GPANK1: variants seen among roughly 807,000 people sequenced by gnomAD.
GPANK1 encodes G-patch domain and ankyrin repeats 1.
GPANK1 carries 22 observed loss-of-function variants against 24.0 expected under a neutral mutation model. The ratio of observed to expected loss-of-function variants is 0.92; its 90% CI spans 0.66 to 1.31. The LOEUF is 1.31. GPANK1 is among the 50% of genes most tolerant of loss of function. The pLI, the probability that GPANK1 is intolerant of heterozygous loss-of-function variation, is 0.00. For synonymous variants in GPANK1, 174 were observed against 177.4 expected (o/e 0.98, Z 0.15); for missense variants, 469 against 453.5 (o/e 1.03, Z -0.31).
Position 31,662,502 on chromosome 6 carries a change from C to T in GPANK1, c.835G>A (p.Glu279Lys), listed in dbSNP as rs754952446. The change falls in exon 3 of 3, where the codon GAG becomes AAG. Residue 279 changes from glutamate to lysine, a missense_variant. Glu to Lys is a moderately conservative substitution (Grantham distance 56). Transcript: ENST00000375896. This position sits in a 1 kb window ranked among gnomAD's most constrained non-coding sequence, Gnocchi z 5.5. ...EPGMGLGPRG[E>K]GRANPIPTVL... ...GTGGGGATGGGATTGGCACGGCCCT[C>T]ACCCCGGGGTCCCAGCCCCATTCCT... 1.2e-6 allele frequency: 2 copies of T among 1,612,352 alleles called. No individual in the cohort carries two copies. The highest frequency in any genetic ancestry group is 4.5e-5 in the East Asian group (2 of 44,878).
Position 31,663,798 on chromosome 6 carries a change from G to C in GPANK1, c.626+55C>G, listed in dbSNP as rs1583577619. 3 of 1,521,436 alleles carry C rather than the reference G, an allele frequency of 2.0e-6. No homozygotes were observed. In the East Asian group the frequency reaches 6.8e-5, roughly 35 times the overall value. 94.2% of individuals were successfully genotyped at this position (1,521,436 alleles called of 1,614,324 possible). A position where few individuals can be genotyped will look rare whatever the true frequency, so the allele number is the denominator to read the frequency against. On this transcript the variant is annotated intron_variant, in intron 2 of 2. Coordinates refer to ENST00000375896, the MANE Select transcript of GPANK1 (RefSeq NM_033177.4). ...GTGCTGGGGCGTCTGGTGTGGTGTG[G>C]CTGGGAGAGGCAGAACACAATGAGA...
rs1236029190 is a variant in GPANK1, at chr6:31,661,828, G to C, written c.*438C>G. On this transcript the variant is annotated 3_prime_UTR_variant, in exon 3 of 3. Transcript: ENST00000375896. ...ATGGACTTATGTTTGTGAAATCAGTGAATTGGCTGTAGTCAGGGAACTCCT... is the reference window on the plus strand; with the variant it reads ...ATGGACTTATGTTTGTGAAATCAGTCAATTGGCTGTAGTCAGGGAACTCCT... The C allele has an allele frequency of 5.6e-6, 1 of 179,468 alleles. No individual in the cohort carries two copies. The highest frequency in any genetic ancestry group is 1.2e-5 in the Non-Finnish European group (1 of 86,826). The allele number at this position is 179,468 out of a possible 1,614,324, so 11.1% of individuals were successfully genotyped here.
chr6:31,664,544 G>T lies in GPANK1; in HGVS notation c.-66C>A. ...AGGATGAGACAAGTAAGCCAAGCTC[G>T]TGGTGACCCTGTAGCAACCACAGCC... On this transcript the variant is annotated 5_prime_UTR_variant, in exon 2 of 3. Transcript: ENST00000375896. 1 of 1,327,456 alleles carries T rather than the reference G, an allele frequency of 7.5e-7. No individual in the cohort carries two copies. The highest frequency in any genetic ancestry group is 1.1e-6 in the Non-Finnish European group (1 of 948,100). The allele number at this position is 1,327,456 out of a possible 1,614,324, so 82.2% of individuals were successfully genotyped here. A position where few individuals can be genotyped will look rare whatever the true frequency, so the allele number is the denominator to read the frequency against.
chr6:31,664,605 A>G, intron 1 of GPANK1, 28 bp from the exon 2 acceptor site: 1 of 687,164 alleles, frequency 1.5e-6, no homozygotes, highest in Non-Finnish European at 2.4e-6. Flanking sequence ...AGTAGTCAAA[A>G]ACACTTTCCT....
At position 31,661,848 on chromosome 6, in the gene GPANK1, ACTC is replaced by A. The variant is rs1800895739; in HGVS notation, c.*415_*417del. 1 of 188,928 alleles carries A rather than the reference ACTC, an allele frequency of 5.3e-6. No homozygotes were observed. The highest frequency in any genetic ancestry group is 2.4e-5 in the African/African-American group (1 of 42,536). 11.7% of individuals were successfully genotyped at this position (188,928 alleles called of 1,614,324 possible). A position where few individuals can be genotyped will look rare whatever the true frequency, so the allele number is the denominator to read the frequency against. On this transcript the variant is annotated 3_prime_UTR_variant, in exon 3 of 3. Coordinates refer to ENST00000375896, the MANE Select transcript of GPANK1 (RefSeq NM_033177.4). ...TCAGTGAATTGGCTGTAGTCAGGGAACTCCTCCTGGGGGAAGTGAGACTTGCAC... is the reference window on the plus strand; with the variant it reads ...TCAGTGAATTGGCTGTAGTCAGGGAACTCCTGGGGGAAGTGAGACTTGCAC...
At chr6:31,666,134 G>A, upstream of GPANK1, 3 of 993,288 alleles carry the variant, frequency 3.0e-6, no homozygotes, top group Non-Finnish European at 3.6e-6. Flanking sequence ...CGCGGCCTGC[G>A]CTGTAGCGGT....
Position 31,662,329 on chromosome 6 carries a change from CCTT to C in GPANK1, c.1005_1007del (p.Arg337del). 2 of 1,601,556 alleles carry C rather than the reference CCTT, an allele frequency of 1.2e-6. No homozygotes were observed. Among genetic ancestry groups the C allele is most frequent in the Non-Finnish European group, 1.7e-6 (2 of 1,172,910 alleles). Reference sequence around the variant, plus strand: ...CCCAAGCCCTGTCTTTCTCCTCCCTCCTTCTCTCCTCCCTCCAGCTCAGTGTGG... The same window carrying C: ...CCCAAGCCCTGTCTTTCTCCTCCCTCCTCTCCTCCCTCCAGCTCAGTGTGG... On this transcript the variant is annotated inframe_deletion, in exon 3 of 3. Transcript: ENST00000375896. The surrounding 1 kb of genome is among the most constrained non-coding windows in gnomAD (Gnocchi z 5.5).
At position 31,664,224 on chromosome 6, in the gene GPANK1, T is replaced by C. The variant is rs150674813; in HGVS notation, c.255A>G (p.Ala85=). ...GTCCATGTCTTCCTGATGCTCCTTCTGCCACTGCTTCTGCTGCTGGTGCCT... is the reference window on the plus strand; with the variant it reads ...GTCCATGTCTTCCTGATGCTCCTTCCGCCACTGCTTCTGCTGCTGGTGCCT... ...IMKAPAAEAV[A]EGASGRHGQG... is the part of the protein sequence containing the mutation. The change falls in exon 2 of 3, where the codon GCA becomes GCG. Residue 85 remains alanine (A), a synonymous_variant. Transcript: ENST00000375896. 50 of 1,613,968 alleles carry C rather than the reference T, an allele frequency of 3.1e-5. No individual in the cohort carries two copies. In the African/African-American group the frequency reaches 5.2e-4, roughly 17 times the overall value.
rs1801231204 is a variant in GPANK1, at chr6:31,663,834, A to G, written c.626+19T>C. 6.5e-7 allele frequency: 1 copy of G among 1,539,634 alleles called. No homozygotes were observed. The highest frequency in any genetic ancestry group is 2.0e-5 in the Admixed American group (1 of 48,900). On this transcript the variant is annotated intron_variant, in intron 2 of 2. Coordinates refer to ENST00000375896, the MANE Select transcript of GPANK1 (RefSeq NM_033177.4). ...CAGAACACAATGAGACATGGGTCTG[A>G]GCTAAAGTTTCCCCTTACCGGTTTT...
In GPANK1 at chr6:31,662,398, A is replaced by G; in HGVS notation, c.939T>C (p.Asp313=). ...TCTCCCTCCCAGCCACAGCTCGGGT[A>G]TCCCAAGCTGGGAAATGTGTCACTC... ...QPRVTHFPAW[D]TRAVAGRERP... The change falls in exon 3 of 3, where the codon GAT becomes GAC. Residue 313 remains aspartate (D), a synonymous_variant. Coordinates refer to ENST00000375896, the MANE Select transcript of GPANK1 (RefSeq NM_033177.4). The surrounding 1 kb of genome is among the most constrained non-coding windows in gnomAD (Gnocchi z 5.5). The G allele has an allele frequency of 6.2e-7, 1 of 1,612,480 alleles. No individual in the cohort carries two copies. Among genetic ancestry groups the G allele is most frequent in the Non-Finnish European group, 8.5e-7 (1 of 1,179,740 alleles).
intron 2 of GPANK1, 48 bp downstream of exon 2, chr6:31,663,805 G>A (rs1301733215): frequency 2.6e-6 from 4 of 1,521,750 alleles, no homozygotes; most frequent in Admixed American, 2.2e-5. Flanking sequence ...GTGGCTGGGA[G>A]AGGCAGAACA....
upstream of GPANK1, chr6:31,665,157 G>A (rs890032446): frequency 2.6e-5 from 12 of 461,186 alleles, no homozygotes; most frequent in African/African-American, 2.3e-4. Flanking sequence ...TTTTTCAATA[G>A]TAAACGAGCA....
rs772904723 is a variant in GPANK1, at chr6:31,662,237, C to T, written c.*29G>A. On this transcript the variant is annotated 3_prime_UTR_variant, in exon 3 of 3. Transcript: ENST00000375896. This position sits in a 1 kb window ranked among gnomAD's most constrained non-coding sequence, Gnocchi z 5.5. ...TCAGAGGCCCAAGTTCAGACTTCAG[C>T]AGCAGACTAGGGTCAGACTTTACCA... is the stretch of plus-strand genomic sequence containing the variant. 6.9e-7 allele frequency: 1 copy of T among 1,449,096 alleles called. No individual in the cohort carries two copies. The highest frequency in any genetic ancestry group is 9.3e-7 in the Non-Finnish European group (1 of 1,072,546). 89.8% of individuals were successfully genotyped at this position (1,449,096 alleles called of 1,614,324 possible). A position where few individuals can be genotyped will look rare whatever the true frequency, so the allele number is the denominator to read the frequency against.
chr6:31,665,521 C>A, upstream of GPANK1: 1 of 1,551,008 alleles, frequency 6.4e-7, no homozygotes. Flanking sequence ...TTCCAGTTCT[C>A]ACACCGCCCA....
chr6:31,665,736 G>A, upstream of GPANK1: 1 of 885,406 alleles, frequency 1.1e-6, no homozygotes, highest in South Asian at 1.8e-5. Context: ...GACTAGAGGG[G>A]AACGTGAGGA....
In GPANK1 at chr6:31,664,063, C is replaced by T. The variant is rs369750078; in HGVS notation, c.416G>A (p.Arg139Gln). The change falls in exon 2 of 3, where the codon CGG becomes CAG. Residue 139 changes from arginine to glutamine, a missense_variant. Physicochemically the swap from Arg to Gln is conservative, Grantham distance 43. Transcript: ENST00000375896. Reference sequence around the variant, plus strand: ...CAGTGGGGTCCACCAGAAGGCATCCCGGGCGTTGATATTCCCCCCAGCTCC... The same window carrying T: ...CAGTGGGGTCCACCAGAAGGCATCCTGGGCGTTGATATTCCCCCCAGCTCC... ...AGGAGGNINARDAFWWTPLMC... is the reference protein window; with the variant it reads ...AGGAGGNINAQDAFWWTPLMC... 1.4e-5 allele frequency: 22 copies of T among 1,614,086 alleles called. No homozygotes were observed. The highest frequency in any genetic ancestry group is 1.6e-5 in the Non-Finnish European group (19 of 1,180,044).
chr6:31,662,453 C>A lies in GPANK1; in HGVS notation c.884G>T (p.Gly295Val), dbSNP rs1583569045. 6.2e-7 allele frequency: 1 copy of A among 1,611,648 alleles called. No individual in the cohort carries two copies. ...CTGGGGTGCTGATCTGTAGCCTAGT[C>A]CTTCCTGGTCCCTCTTGAGGACAGT... is the stretch of plus-strand genomic sequence containing the variant. ...IPTVLKRDQE[G>V]LGYRSAPQPR... The change falls in exon 3 of 3, where the codon GGA becomes GTA. Residue 295 changes from glycine to valine, a missense_variant. Physicochemically the swap from Gly to Val is moderately radical, Grantham distance 109 (BLOSUM62 -3). Coordinates refer to ENST00000375896, the MANE Select transcript of GPANK1 (RefSeq NM_033177.4). This position sits in a 1 kb window ranked among gnomAD's most constrained non-coding sequence, Gnocchi z 5.5.
At position 31,662,503 on chromosome 6, in the gene GPANK1, A is replaced by C. The variant is rs779052335; in HGVS notation, c.834T>G (p.Gly278=). 2.2e-5 allele frequency: 35 copies of C among 1,611,668 alleles called. No individual in the cohort carries two copies. The highest frequency in any genetic ancestry group is 1.1e-5 in the Non-Finnish European group (13 of 1,179,456). The change falls in exon 3 of 3, where the codon GGT becomes GGG. Residue 278 remains glycine (G), a synonymous_variant. Coordinates refer to ENST00000375896, the MANE Select transcript of GPANK1 (RefSeq NM_033177.4). This position sits in a 1 kb window ranked among gnomAD's most constrained non-coding sequence, Gnocchi z 5.5. ...TGGGGATGGGATTGGCACGGCCCTC[A>C]CCCCGGGGTCCCAGCCCCATTCCTG... ...WEPGMGLGPR[G]EGRANPIPTV...
At position 31,662,578 on chromosome 6, in the gene GPANK1, C is replaced by CAGATG; in HGVS notation, c.758_759insCATCT (p.Pro254IlefsTer13). On this transcript the variant is annotated frameshift_variant, in exon 3 of 3. Transcript: ENST00000375896. LOFTEE classifies it high-confidence loss of function. The surrounding 1 kb of genome is among the most constrained non-coding windows in gnomAD (Gnocchi z 5.5). ...GTTTGAAGCCCGGGCTGGAGATGGG[C>CAGATG]ACCCCAAGTGGAAGGTTGGGAGGCT... 6.2e-7 allele frequency: 1 copy of CAGATG among 1,613,042 alleles called. No homozygotes were observed. The highest frequency in any genetic ancestry group is 8.5e-7 in the Non-Finnish European group (1 of 1,180,016).
Sources: gnomAD v4.1 joint callset for allele counts on GRCh38, gnomAD v4.1.1 for gene constraint, Gnocchi (gnomAD v3.1) non-coding constraint, MANE v1.5 for transcripts, NCBI Gene and HGNC (gene_info 2026-07-23, HGNC 2026-07-21) for gene names.